The following SRC variants were observed in gnomAD, a reference collection of about 807,000 sequenced individuals.
SRC encodes proto-oncogene tyrosine-protein kinase Src.
A neutral mutation model predicts 62.9 loss-of-function variants in SRC; 13 were observed. The observed-to-expected ratio is 0.21, with a 90% CI of 0.13 to 0.33. SRC has a LOEUF of 0.33. SRC is among the 10% of genes least tolerant of loss of function. The pLI, the probability that SRC is intolerant of heterozygous loss-of-function variation, is 1.00. For synonymous variants in SRC, 302 were observed against 317.5 expected, an observed-to-expected ratio of 0.95 and a Z score of 0.52; for missense variants, 457 against 737.3, an observed-to-expected ratio of 0.62 and a Z score of 4.40.
chr20:37,366,697 A>G (rs557320905), intron 2 of SRC, among the ~76,000 whole-genome samples: 61 of 152,338 alleles, frequency 4.0e-4, no homozygotes, highest in African/African-American at 1.4e-3. Flanking sequence ...ATGTTGTAGC[A>G]TGGATCAATA....
chr20:37,402,850 C>T lies in SRC; in HGVS notation c.1372C>T (p.Leu458Phe). 3 of 1,614,124 alleles carry T rather than the reference C, an allele frequency of 1.9e-6. No homozygotes were observed. The highest frequency in any genetic ancestry group is 2.5e-6 in the Non-Finnish European group (3 of 1,180,022). Reference sequence around the variant, plus strand: ...GTCCTTCGGGATCCTGCTGACTGAGCTCACCACAAAGGGACGGGTGCCCTA... The same window carrying T: ...GTCCTTCGGGATCCTGCTGACTGAGTTCACCACAAAGGGACGGGTGCCCTA... ...VWSFGILLTE[L>F]TTKGRVPYPG... Residue 458 changes from leucine (L) to phenylalanine (F), a missense_variant, in exon 13 of 14, where the codon CTC (leucine) becomes TTC (phenylalanine). Coordinates refer to ENST00000373578, the MANE Select transcript of SRC (RefSeq NM_198291.3). The surrounding 1 kb of genome is among the most constrained non-coding windows in gnomAD (Gnocchi z 6.2).
intron 1 of SRC, among the ~76,000 whole-genome samples, chr20:37,347,229 C>T (rs1568614857): frequency 6.6e-6 from 1 of 152,178 alleles, no homozygotes; most frequent in Middle Eastern, 3.2e-3. Flanking sequence ...GTTGCTGGGT[C>T]ACCTGGGGTA....
chr20:37,353,144 C>T (rs961765249), intron 1 of SRC, among the ~76,000 whole-genome samples: 1 of 152,166 alleles, frequency 6.6e-6, no homozygotes, highest in African/African-American at 2.4e-5. Flanking sequence ...TCTGTGCATC[C>T]CCAGCACCAG....
intron 2 of SRC, among the ~76,000 whole-genome samples, chr20:37,373,029 TATATACAC>T (rs1284981114): frequency 5.3e-5 from 8 of 151,840 alleles, no homozygotes; most frequent in South Asian, 2.1e-4. Flanking sequence ...TATATACACA[TATATACAC>T]ATATACACAT....
intron 2 of SRC, among the ~76,000 whole-genome samples, chr20:37,365,629 A>G (rs1282554563): frequency 6.6e-6 from 1 of 151,870 alleles, no homozygotes; most frequent in Non-Finnish European, 1.5e-5. Flanking sequence ...TCTGTTGCCC[A>G]GGCTGTAGTG....
intron 2 of SRC, among the ~76,000 whole-genome samples, chr20:37,366,006 T>C (rs1304420612): frequency 1.3e-5 from 2 of 152,216 alleles, no homozygotes; most frequent in Non-Finnish European, 2.9e-5. Context: ...ACTTTTCTTG[T>C]TCATGGTTGC....
intron 2 of SRC, among the ~76,000 whole-genome samples, chr20:37,368,854 C>T (rs1285528860): frequency 6.6e-6 from 1 of 152,006 alleles, no homozygotes; most frequent in East Asian, 1.9e-4. Flanking sequence ...CCCGGCTATG[C>T]CTATATTTTC....
At chr20:37,385,869 C>T (rs1340360942) in intron 4 of SRC, among the ~76,000 whole-genome samples, 1 of 152,274 alleles carries the variant, frequency 6.6e-6, no homozygotes, top group Non-Finnish European at 1.5e-5. Flanking sequence ...GATGCTCCCG[C>T]TCCCACACGC....
chr20:37,393,703 T>A, intron 5 of SRC, 192 bp from the exon 6 acceptor site: 1 of 567,970 alleles, frequency 1.8e-6, no homozygotes, highest in Non-Finnish European at 3.1e-6. Flanking sequence ...AAAAGGCGTC[T>A]GCGCCAGGGA....
chr20:37,383,487 G>A (rs1335823709), intron 3 of SRC, among the ~76,000 whole-genome samples: 7 of 152,172 alleles, frequency 4.6e-5, no homozygotes, highest in African/African-American at 1.7e-4. Context: ...CTAGGTGCCC[G>A]GGACATAGGC....
chr20:37,384,103 G>A lies in SRC; in HGVS notation c.-4-47G>A. On this transcript the variant is annotated intron_variant, in intron 3 of 13. Transcript: ENST00000373578. The surrounding 1 kb of genome is among the most constrained non-coding windows in gnomAD (Gnocchi z 6.7). ...GGGTGGGAGGGAGGCCGGCCAAGGGGCCCCGGCAGCCCTGCCTGTTCCAGT... is the reference window on the plus strand; with the variant it reads ...GGGTGGGAGGGAGGCCGGCCAAGGGACCCCGGCAGCCCTGCCTGTTCCAGT... 1 of 1,586,046 alleles carries A rather than the reference G, an allele frequency of 6.3e-7. No individual in the cohort carries two copies. Among genetic ancestry groups the A allele is most frequent in the African/African-American group, 1.4e-5 (1 of 73,034 alleles).
rs1195416907 is a variant in SRC, at chr20:37,403,390, G to T, written c.*11G>T. ...GGGGAGAACCTCTAGGCACAGGCGG[G>T]CCCAGACCGGCTTCTCGGCTTGGAT... On this transcript the variant is annotated 3_prime_UTR_variant, in exon 14 of 14. Coordinates refer to ENST00000373578, the MANE Select transcript of SRC (RefSeq NM_198291.3). This position sits in a 1 kb window ranked among gnomAD's most constrained non-coding sequence, Gnocchi z 7.1. 6.4e-7 allele frequency: 1 copy of T among 1,568,210 alleles called. No homozygotes were observed. Among genetic ancestry groups the T allele is most frequent in the Non-Finnish European group, 8.6e-7 (1 of 1,157,590 alleles).
At chr20:37,347,869 G>A (rs1231155911) in intron 1 of SRC, among the ~76,000 whole-genome samples, 1 of 152,356 alleles carries the variant, frequency 6.6e-6, no homozygotes, top group East Asian at 1.9e-4. Context: ...CAGTCTGGCT[G>A]TCCCTGCATC....
intron 2 of SRC, 106 bp downstream of exon 2, chr20:37,365,383 G>C (rs1449768063): frequency 1.4e-5 from 2 of 146,886 alleles, no homozygotes; most frequent in Non-Finnish European, 3.0e-5. Flanking sequence ...ACAGGGAAAA[G>C]TAAGCCTCTC....
rs2070599978 is a variant in SRC at position 37,394,194 on chromosome 20, C to T, written c.470C>T (p.Thr157Ile). 3 of 1,614,016 alleles carry T rather than the reference C, an allele frequency of 1.9e-6. No homozygotes were observed. The highest frequency in any genetic ancestry group is 1.1e-5 in the South Asian group (1 of 91,090). ...QAEEWYFGKI[T>I]RRESERLLLN... Reference sequence around the variant, plus strand: ...CCCAGGTGGTATTTTGGCAAGATCACCAGACGGGAGTCAGAGCGGTTACTG... The same window carrying T: ...CCCAGGTGGTATTTTGGCAAGATCATCAGACGGGAGTCAGAGCGGTTACTG... Residue 157 changes from threonine to isoleucine, a missense_variant, in exon 7 of 14, where the codon ACC becomes ATC. By Grantham distance (89) the Thr-to-Ile change is moderately conservative. Around this residue, in one of 4 missense-constraint regions of SRC, gnomAD observed 141 missense variants for 198.4 expected, o/e 0.71. Coordinates refer to ENST00000373578, the MANE Select transcript of SRC (RefSeq NM_198291.3).
chr20:37,359,483 T>C (rs1216700738), intron 1 of SRC, among the ~76,000 whole-genome samples: 1 of 151,600 alleles, frequency 6.6e-6, no homozygotes, highest in African/African-American at 2.4e-5. Flanking sequence ...AATTAGATGG[T>C]GGCCAGGGAA....
At position 37,384,815 on chromosome 20, in the gene SRC, G is replaced by A. The variant is rs1480592879; in HGVS notation, c.250+412G>A. Among the ~76,000 whole-genome samples, 1 of 152,172 alleles carries A rather than the reference G, an allele frequency of 6.6e-6. No homozygotes were observed. Among genetic ancestry groups the A allele is most frequent in the African/African-American group, 2.4e-5 (1 of 41,442 alleles). On this transcript the variant is annotated intron_variant, in intron 4 of 13. Transcript: ENST00000373578. This position sits in a 1 kb window ranked among gnomAD's most constrained non-coding sequence, Gnocchi z 6.7. ...TGGGTCGCTCGGGGAACGGGGCACCGGATGGCCCCGGTTGGGCCCGCGCCA... is the reference window on the plus strand; with the variant it reads ...TGGGTCGCTCGGGGAACGGGGCACCAGATGGCCCCGGTTGGGCCCGCGCCA...
chr20:37,401,525 G>A (rs972924595), intron 10 of SRC, 77 bp from the exon 11 acceptor site: 4 of 1,148,132 alleles, frequency 3.5e-6, no homozygotes, highest in East Asian at 5.1e-5. Context: ...AGCCACCTGG[G>A]AGGATGGGTT....
chr20:37,391,055 T>C (rs961819875), intron 5 of SRC, among the ~76,000 whole-genome samples: 1 of 152,234 alleles, frequency 6.6e-6, no homozygotes, highest in South Asian at 2.1e-4. Flanking sequence ...TAGCATCGGC[T>C]GCACTCCTCT....
Sources: gnomAD v4.1 joint callset for allele counts (sites outside exome capture counted in the v4.1 genomes callset) on GRCh38, gnomAD v4.1.1 for gene constraint, gnomAD v4.1.1 regional missense constraint, Gnocchi (gnomAD v3.1) non-coding constraint, MANE v1.5 for transcripts, NCBI Gene and HGNC (gene_info 2026-07-23, HGNC 2026-07-21) for gene names.